CDH4: variants seen among roughly 807,000 people sequenced by gnomAD.
CDH4 encodes the protein cadherin-4.
CDH4 carries 33 observed loss-of-function variants against 86.0 expected under a neutral mutation model. That is an observed-to-expected ratio of 0.38 (90% CI 0.29 to 0.51). The LOEUF (loss-of-function observed/expected upper bound fraction) is 0.51. Among genes scored for constraint, CDH4 ranks in the 20% least tolerant of loss-of-function variants. CDH4 has a pLI of 0.86. For synonymous variants in CDH4, 555 were observed against 549.4 expected (o/e 1.01, Z -0.14); for missense variants, 1,114 against 1,307.4 (o/e 0.85, Z 2.28).
At chr20:61,469,359 T>G (rs978259818) in intron 2 of CDH4, among the ~76,000 whole-genome samples, 1 of 152,236 alleles carries the variant, frequency 6.6e-6, no homozygotes, top group Non-Finnish European at 1.5e-5. Flanking sequence ...GTACATCATC[T>G]TTTGAGAAAT....
At chr20:61,620,021 CA>C (rs1427388512) in intron 2 of CDH4, among the ~76,000 whole-genome samples, 7 of 152,166 alleles carry the variant, frequency 4.6e-5, no homozygotes, top group African/African-American at 1.7e-4. Flanking sequence ...GCCCAGCATT[CA>C]GGGGGAGCCA....
At chr20:61,556,049 T>C (rs2086175014) in intron 2 of CDH4, among the ~76,000 whole-genome samples, 2 of 152,144 alleles carry the variant, frequency 1.3e-5, no homozygotes, top group Admixed American at 6.5e-5. Flanking sequence ...CATGGTGGGC[T>C]CGCCTTGGTG....
chr20:61,667,309 C>G (rs2145840345), intron 2 of CDH4, among the ~76,000 whole-genome samples: 2 of 152,336 alleles, frequency 1.3e-5, no homozygotes, highest in African/African-American at 4.8e-5. Flanking sequence ...TCCCGCCCAC[C>G]CTGGGGCTCC....
At chr20:61,747,942 TA>T (rs11302959) in intron 3 of CDH4, among the ~76,000 whole-genome samples, 86,298 of 149,452 alleles carry the variant, frequency 0.58, 25,247 homozygotes, top group African/African-American at 0.69. Context: ...GAGAAATATT[TA>T]AAAAAAAAAA....
At chr20:61,713,535 G>A (rs561450309) in intron 2 of CDH4, among the ~76,000 whole-genome samples, 27 of 152,352 alleles carry the variant, frequency 1.8e-4, no homozygotes, top group African/African-American at 6.3e-4. Context: ...TCCCCAGGAC[G>A]GAGAGCCGTC....
chr20:61,675,052 C>T (rs983415256), intron 2 of CDH4, among the ~76,000 whole-genome samples: 1 of 152,244 alleles, frequency 6.6e-6, no homozygotes, highest in African/African-American at 2.4e-5. Flanking sequence ...GCCTTCTGCT[C>T]TAGACAGAGA....
In CDH4 at chr20:61,606,866, C is replaced by T. The variant is rs866000630; in HGVS notation, c.170-136697C>T. On this transcript the variant is annotated intron_variant, in intron 2 of 15. Coordinates refer to ENST00000614565, the MANE Select transcript of CDH4 (RefSeq NM_001794.5). The stretch of plus-strand genomic sequence containing the variant: ...TGGGATGGATAGTGCGGGACACTGT[C>T]CCCTCCAGACCAGCTCCAGGCTACC... Among the ~76,000 whole-genome samples, 21 of 152,374 alleles carry T rather than the reference C, an allele frequency of 1.4e-4. 1 individual carries two copies. The highest frequency in any genetic ancestry group is 6.8e-3 in the Middle Eastern group (2 of 294).
At chr20:61,926,865 T>TC (rs1186864764) in intron 11 of CDH4, among the ~76,000 whole-genome samples, 1 of 151,436 alleles carries the variant, frequency 6.6e-6, no homozygotes, top group Non-Finnish European at 1.5e-5. Context: ...AGAGTGAGAC[T>TC]CCATCTCAAA....
At chr20:61,675,234 G>A (rs1442974947) in intron 2 of CDH4, among the ~76,000 whole-genome samples, 1 of 152,236 alleles carries the variant, frequency 6.6e-6, no homozygotes. Flanking sequence ...CTGCTTTGGG[G>A]AGAAGGAAAC....
chr20:61,878,474 C>T (rs1984139156), intron 7 of CDH4, among the ~76,000 whole-genome samples: 1 of 152,240 alleles, frequency 6.6e-6, no homozygotes, highest in African/African-American at 2.4e-5. Context: ...GCAAACAAGT[C>T]TGTTTCCCCT....
rs1981518015 is a variant in CDH4 at position 61,829,992 on chromosome 20, A to T, written c.577-14676A>T. Reference sequence around the variant, plus strand: ...GTTTGGCAAGCCGACCCAAACTCCCATTACATGCTATGGAAACCCTTGCAG... The same window carrying T: ...GTTTGGCAAGCCGACCCAAACTCCCTTTACATGCTATGGAAACCCTTGCAG... On this transcript the variant is annotated intron_variant, in intron 4 of 15. Coordinates refer to ENST00000614565, the MANE Select transcript of CDH4 (RefSeq NM_001794.5). This position sits in a 1 kb window ranked among gnomAD's most constrained non-coding sequence, Gnocchi z 4.2. Among the ~76,000 whole-genome samples, 8 of 152,002 alleles carry T rather than the reference A, an allele frequency of 5.3e-5. No individual in the cohort carries two copies. In the South Asian group the frequency reaches 1.7e-3, roughly 31 times the overall value.
intron 2 of CDH4, among the ~76,000 whole-genome samples, chr20:61,258,910 T>C (rs1391958885): frequency 6.6e-6 from 1 of 152,246 alleles, no homozygotes; most frequent in African/African-American, 2.4e-5. Context: ...GCAGAAGTTT[T>C]CATTGACTAG....
At chr20:61,585,604 C>A (rs1325491287) in intron 2 of CDH4, among the ~76,000 whole-genome samples, 1 of 152,068 alleles carries the variant, frequency 6.6e-6, no homozygotes, top group South Asian at 2.1e-4. Flanking sequence ...CTTGGTGGAG[C>A]CATTTGAGTT....
chr20:61,672,540 T>C (rs1019200290), intron 2 of CDH4, among the ~76,000 whole-genome samples: 8 of 152,162 alleles, frequency 5.3e-5, no homozygotes, highest in African/African-American at 1.9e-4. Flanking sequence ...GCACTGTGCT[T>C]GCTGTGTAGT....
chr20:61,492,855 C>T (rs1269455749), intron 2 of CDH4, among the ~76,000 whole-genome samples: 3 of 152,094 alleles, frequency 2.0e-5, no homozygotes, highest in Non-Finnish European at 4.4e-5. Flanking sequence ...CAGAGAAGAC[C>T]ACTTTGGGGA....
intron 2 of CDH4, among the ~76,000 whole-genome samples, chr20:61,367,431 C>T (rs1023476148): frequency 1.3e-5 from 2 of 151,920 alleles, no homozygotes; most frequent in Admixed American, 1.3e-4. Context: ...AGAAAGTGCT[C>T]AAATAGTGGT....
At chr20:61,722,360 A>G (rs1485152438) in intron 2 of CDH4, among the ~76,000 whole-genome samples, 4 of 152,176 alleles carry the variant, frequency 2.6e-5, no homozygotes, top group Admixed American at 6.5e-5. Flanking sequence ...ACTCACTGCT[A>G]CACACATGTT....
At chr20:61,542,337 A>G (rs554325530) in intron 2 of CDH4, among the ~76,000 whole-genome samples, 1 of 152,182 alleles carries the variant, frequency 6.6e-6, no homozygotes, top group South Asian at 2.1e-4. Context: ...TGCTTTTTCA[A>G]CTTTCCTGGG....
At chr20:61,400,040 G>A (rs898480887) in intron 2 of CDH4, among the ~76,000 whole-genome samples, 1 of 152,192 alleles carries the variant, frequency 6.6e-6, no homozygotes, top group African/African-American at 2.4e-5. Flanking sequence ...CTTACAGCTG[G>A]GCAGCACGTT....
Sources: gnomAD v4.1 joint callset for allele counts (sites outside exome capture counted in the v4.1 genomes callset) on GRCh38, gnomAD v4.1.1 for gene constraint, Gnocchi (gnomAD v3.1) non-coding constraint, MANE v1.5 for transcripts, NCBI Gene and HGNC (gene_info 2026-07-23, HGNC 2026-07-21) for gene names.